Variants in AUTS2 observed in about 807,000 individuals in gnomAD.
AUTS2 encodes the protein autism susceptibility gene 2 protein.
Under a neutral mutation model 112.4 loss-of-function variants are expected in AUTS2, and 17 were observed. That is an observed-to-expected ratio of 0.15 (90% CI 0.10 to 0.23). AUTS2 has a LOEUF of 0.23. Among genes scored for constraint, AUTS2 ranks in the 10% least tolerant of loss-of-function variants. The probability of loss-of-function intolerance (pLI) is 1.00; values close to 1 mark genes in which losing one functional copy is unlikely to be tolerated. For synonymous variants in AUTS2, 751 were observed against 702.7 expected (o/e 1.07, Z -1.09); for missense variants, 1,510 against 1,701.6 (o/e 0.89, Z 1.98).
intron 1 of AUTS2, among the ~76,000 whole-genome samples, chr7:69,695,796 C>G (rs1797534857): frequency 6.6e-6 from 1 of 152,108 alleles, no homozygotes; most frequent in Non-Finnish European, 1.5e-5. Context: ...CAAAATTACT[C>G]TAATTTTGAA....
At chr7:70,591,482 T>C (rs1419266225) in intron 5 of AUTS2, among the ~76,000 whole-genome samples, 1 of 152,126 alleles carries the variant, frequency 6.6e-6, no homozygotes, top group Non-Finnish European at 1.5e-5. Flanking sequence ...CACCGCAACC[T>C]CCACCTCCAG....
At chr7:70,393,463 G>A (rs1242073363) in intron 4 of AUTS2, among the ~76,000 whole-genome samples, 1 of 151,968 alleles carries the variant, frequency 6.6e-6, no homozygotes, top group Non-Finnish European at 1.5e-5. Flanking sequence ...ATCTTACTGG[G>A]GTCGCAGAAA....
intron 4 of AUTS2, among the ~76,000 whole-genome samples, chr7:70,364,738 ACT>A (rs1167574130): frequency 6.6e-6 from 1 of 152,014 alleles, no homozygotes; most frequent in Non-Finnish European, 1.5e-5. Flanking sequence ...ATTATAAAGA[ACT>A]CTTTCTGATT....
chr7:70,648,472 G>T (rs1006988764), intron 5 of AUTS2, among the ~76,000 whole-genome samples: 6 of 152,202 alleles, frequency 3.9e-5, no homozygotes, highest in African/African-American at 1.2e-4. Context: ...AGAGTTTCAT[G>T]ATCTTGAATT....
intron 5 of AUTS2, among the ~76,000 whole-genome samples, chr7:70,492,887 G>A (rs1000256074): frequency 5.9e-5 from 9 of 152,176 alleles, no homozygotes; most frequent in African/African-American, 1.7e-4. Flanking sequence ...CTGAGAAAGT[G>A]TTTTTCTCCT....
intron 2 of AUTS2, among the ~76,000 whole-genome samples, chr7:69,932,645 A>G (rs1230193222): frequency 1.3e-5 from 2 of 152,206 alleles, no homozygotes; most frequent in Non-Finnish European, 2.9e-5. Flanking sequence ...TGATTAGTAC[A>G]GTTTGGCCTC....
At chr7:70,316,606 C>G (rs1445489874) in intron 4 of AUTS2, among the ~76,000 whole-genome samples, 1 of 151,912 alleles carries the variant, frequency 6.6e-6, no homozygotes, top group Admixed American at 6.6e-5. Context: ...GCTGTGTTGG[C>G]CAGGCTGGTC....
intron 9 of AUTS2, 49 bp from the exon 10 acceptor site, chr7:70,767,975 A>C: frequency 6.3e-7 from 1 of 1,594,458 alleles, no homozygotes; most frequent in East Asian, 2.2e-5. Context: ...TGTAGCAGTG[A>C]ACAAAAATGC....
rs146799847 is a variant in AUTS2 at position 70,585,417 on chromosome 7, C to A, written c.691-113152C>A. The stretch of plus-strand genomic sequence containing the variant: ...TACACTCCCGCTTCTCTTCCAGAAT[C>A]CCCTATTTGACTGACCAGGAAACTG... On this transcript the variant is annotated intron_variant, in intron 5 of 18. Transcript: ENST00000342771. 9.3e-4 allele frequency among the ~76,000 whole-genome samples: 141 copies of A among 152,302 alleles called. 2 individuals are homozygous for A. The East Asian group carries it at 0.02, about 22-fold the overall frequency.
intron 1 of AUTS2, among the ~76,000 whole-genome samples, chr7:69,617,765 C>A (rs1200500435): frequency 1.2e-4 from 18 of 152,328 alleles, no homozygotes; most frequent in Admixed American, 9.8e-4. Context: ...TCTTAGGAGA[C>A]ATGGGGCATC....
At chr7:69,641,733 A>G (rs1011350370) in intron 1 of AUTS2, among the ~76,000 whole-genome samples, 24 of 152,210 alleles carry the variant, frequency 1.6e-4, no homozygotes, top group African/African-American at 5.5e-4. Context: ...ATTCTGCATC[A>G]TGAAGTATTC....
At chr7:69,945,033 C>T (rs994813301) in intron 2 of AUTS2, among the ~76,000 whole-genome samples, 2 of 152,130 alleles carry the variant, frequency 1.3e-5, no homozygotes, top group African/African-American at 2.4e-5. Flanking sequence ...AGCTGTGTGG[C>T]TCTGAGGCTT....
At chr7:69,671,126 ATAAC>A (rs1306368388) in intron 1 of AUTS2, among the ~76,000 whole-genome samples, 1 of 152,198 alleles carries the variant, frequency 6.6e-6, no homozygotes, top group African/African-American at 2.4e-5. Flanking sequence ...ACTCTAGAGT[ATAAC>A]TAAGCAGTGT....
intron 1 of AUTS2, among the ~76,000 whole-genome samples, chr7:69,848,624 A>G (rs556000902): frequency 6.6e-6 from 1 of 152,126 alleles, no homozygotes; most frequent in Non-Finnish European, 1.5e-5. Flanking sequence ...AAACCCTGTC[A>G]TTATTGGTCT....
In AUTS2 at chr7:70,694,081, C is replaced by T. The variant is rs948016306; in HGVS notation, c.691-4488C>T. On this transcript the variant is annotated intron_variant, in intron 5 of 18. Transcript: ENST00000342771. This position sits in a 1 kb window ranked among gnomAD's most constrained non-coding sequence, Gnocchi z 4.1. ...TGCGAGCGTCTGGAGGAGGCGCGCT[C>T]GGCGCAGTCGGGGAGCGAAGTCCGG... The T allele has an allele frequency of 6.6e-6, 1 of 151,444 alleles. No individual in the cohort carries two copies. The highest frequency in any genetic ancestry group is 2.4e-5 in the African/African-American group (1 of 41,374). The allele number at this position is 151,444 out of a possible 1,614,324, so 9.4% of individuals were successfully genotyped here.
chr7:70,720,848 G>A (rs1449755207), intron 6 of AUTS2, among the ~76,000 whole-genome samples: 2 of 152,136 alleles, frequency 1.3e-5, no homozygotes, highest in South Asian at 2.1e-4. Flanking sequence ...ATTTCTCTGG[G>A]TAGAAAGGGT....
At chr7:70,595,887 C>CG (rs1372737547) in intron 5 of AUTS2, among the ~76,000 whole-genome samples, 3 of 152,208 alleles carry the variant, frequency 2.0e-5, no homozygotes, top group Non-Finnish European at 4.4e-5. Flanking sequence ...TACTGAGCCG[C>CG]GGGCTGCTTC....
chr7:69,853,214 T>G (rs1388266603), intron 1 of AUTS2, among the ~76,000 whole-genome samples: 1 of 152,216 alleles, frequency 6.6e-6, no homozygotes, highest in Non-Finnish European at 1.5e-5. Flanking sequence ...GCTCTATCAA[T>G]TAATTGTTGA....
At chr7:70,474,712 G>T (rs1797516425) in intron 5 of AUTS2, among the ~76,000 whole-genome samples, 1 of 152,170 alleles carries the variant, frequency 6.6e-6, no homozygotes, top group Non-Finnish European at 1.5e-5. Flanking sequence ...TCACCATCAT[G>T]ATTTTATAGC....
Sources: gnomAD v4.1 joint callset for allele counts (sites outside exome capture counted in the v4.1 genomes callset) on GRCh38, gnomAD v4.1.1 for gene constraint, Gnocchi (gnomAD v3.1) non-coding constraint, MANE v1.5 for transcripts, NCBI Gene and HGNC (gene_info 2026-07-23, HGNC 2026-07-21) for gene names.